SLC26A11: variants seen among roughly 807,000 people sequenced by gnomAD.
SLC26A11 encodes the protein solute carrier family 26 member 11, also known as sodium-independent sulfate anion transporter.
A neutral mutation model predicts 62.2 loss-of-function variants in SLC26A11; 58 were observed. The observed-to-expected ratio is 0.93, with a 90% CI of 0.76 to 1.16. The LOEUF (loss-of-function observed/expected upper bound fraction) is 1.16. Ranked by LOEUF, SLC26A11 falls within the 50% of genes most tolerant of loss-of-function variation. The pLI, the probability that SLC26A11 is intolerant of heterozygous loss-of-function variation, is 0.00. For missense variants in SLC26A11, 790 were observed against 794.3 expected, an observed-to-expected ratio of 0.99 and a Z score of 0.06; for synonymous variants, 411 against 368.9, an observed-to-expected ratio of 1.11 and a Z score of -1.31.
At chr17:80,236,860 G>A in intron 7 of SLC26A11, 68 bp from the exon 8 acceptor site, 1 of 1,528,562 alleles carries the variant, frequency 6.5e-7, no homozygotes, top group African/African-American at 1.4e-5. Context: ...CCAGTAACCT[G>A]GAGGCAGCCG....
intron 7 of SLC26A11, among the ~76,000 whole-genome samples, chr17:80,235,093 A>G (rs1168774810): frequency 3.9e-5 from 6 of 152,154 alleles, no homozygotes; most frequent in African/African-American, 1.4e-4. Flanking sequence ...CAGGTGATTC[A>G]GCTGCCTCGG....
chr17:80,233,407 G>C (rs1341046726), intron 7 of SLC26A11, among the ~76,000 whole-genome samples: 1 of 152,174 alleles, frequency 6.6e-6, no homozygotes, highest in Admixed American at 6.5e-5. Flanking sequence ...TGAGATTGCA[G>C]ATGTGAGCCA....
intron 1 of SLC26A11, 75 bp downstream of exon 1, chr17:80,220,571 G>A (rs2042121945): frequency 1.8e-5 from 7 of 396,016 alleles, no homozygotes. Flanking sequence ...GGGTCGCCGG[G>A]GGCAGCCGAC....
intron 16 of SLC26A11, among the ~76,000 whole-genome samples, chr17:80,250,285 T>G (rs750128738): frequency 1.5e-4 from 23 of 152,210 alleles, no homozygotes; most frequent in Non-Finnish European, 2.8e-4. Context: ...ACCCCAGGTG[T>G]GGACCACAGC....
At position 80,227,810 on chromosome 17, in the gene SLC26A11, G is replaced by T; in HGVS notation, c.594-8G>T. ...CTGGGTGGTGACCAGTCCTCTGCCT[G>T]TCCACAGGGTAGGTGACGCCGTCCT... On this transcript the variant is annotated splice_polypyrimidine_tract_variant and splice_region_variant and intron_variant, in intron 6 of 17. Coordinates refer to ENST00000361193, the MANE Select transcript of SLC26A11 (RefSeq NM_001166347.2). The T allele has an allele frequency of 6.2e-7, 1 of 1,603,758 alleles. No homozygotes were observed. The highest frequency in any genetic ancestry group is 2.2e-5 in the East Asian group (1 of 44,876).
At position 80,220,446 on chromosome 17, in the gene SLC26A11, C is replaced by T; in HGVS notation, c.-264C>T. ...CCCGGCCTGTCCCCGGCGATTCCTG[C>T]GGACCCAGCTGCGGCGACGCCAGGA... On this transcript the variant is annotated 5_prime_UTR_variant, in exon 1 of 18. Transcript: ENST00000361193. 4 of 866,408 alleles carry T rather than the reference C, an allele frequency of 4.6e-6. No individual in the cohort carries two copies. Among genetic ancestry groups the T allele is most frequent in the Non-Finnish European group, 4.8e-6 (3 of 624,244 alleles). The allele number at this position is 866,408 out of a possible 1,614,324, so 53.7% of individuals were successfully genotyped here.
At chr17:80,247,257 C>T (rs1006640908) in intron 13 of SLC26A11, among the ~76,000 whole-genome samples, 1 of 151,984 alleles carries the variant, frequency 6.6e-6, no homozygotes, top group Non-Finnish European at 1.5e-5. Context: ...TACACAGACA[C>T]GGCAACCATC....
Position 80,230,023 on chromosome 17 carries a change from C to T in SLC26A11, c.736+2063C>T, listed in dbSNP as rs545904943. Among the ~76,000 whole-genome samples the T allele has an allele frequency of 5.9e-4, 90 of 151,968 alleles. 2 individuals are homozygous for T. Among genetic ancestry groups the T allele is most frequent in the African/African-American group, 2.0e-3 (84 of 41,456 alleles). ...GTTTGAAACCAGCTTGGCCAAACCC[C>T]GTCTCTACTAAAAATACAAAAATTA... On this transcript the variant is annotated intron_variant, in intron 7 of 17. Coordinates refer to ENST00000361193, the MANE Select transcript of SLC26A11 (RefSeq NM_001166347.2).
intron 7 of SLC26A11, among the ~76,000 whole-genome samples, chr17:80,229,798 T>C (rs1164510838): frequency 6.6e-6 from 1 of 152,122 alleles, no homozygotes; most frequent in African/African-American, 2.4e-5. Context: ...GCACTGGGCA[T>C]CTCCTGGGAG....
intron 16 of SLC26A11, among the ~76,000 whole-genome samples, chr17:80,249,490 C>T (rs1295481694): frequency 2.6e-5 from 4 of 152,252 alleles, no homozygotes; most frequent in African/African-American, 7.2e-5. Context: ...CGGTGGCCCC[C>T]AGCCCTCCGA....
intron 10 of SLC26A11, among the ~76,000 whole-genome samples, chr17:80,242,117 A>T (rs1461912514): frequency 6.6e-6 from 1 of 152,080 alleles, no homozygotes; most frequent in Non-Finnish European, 1.5e-5. Context: ...GCTGGGATTA[A>T]AGGCATATGC....
At position 80,237,049 on chromosome 17, in the gene SLC26A11, G is replaced by A. The variant is rs1451542202; in HGVS notation, c.858G>A (p.Pro286=). 3 of 1,613,930 alleles carry A rather than the reference G, an allele frequency of 1.9e-6. No individual in the cohort carries two copies. The highest frequency in any genetic ancestry group is 2.5e-6 in the Non-Finnish European group (3 of 1,179,948). The stretch of plus-strand genomic sequence containing the variant: ...AGGGGCTCCCTCCAGTCCGGATCCC[G>A]CCCTTCTCAGTGACCACAGCCAACG... ...TAEGLPPVRI[P]PFSVTTANGT... is the part of the protein sequence containing the mutation. The change falls in exon 8 of 18, where the codon CCG becomes CCA. Residue 286 remains proline (P), a synonymous_variant. Coordinates refer to ENST00000361193, the MANE Select transcript of SLC26A11 (RefSeq NM_001166347.2).
chr17:80,224,048 T>A (rs1468025055), intron 5 of SLC26A11, among the ~76,000 whole-genome samples: 1 of 151,940 alleles, frequency 6.6e-6, no homozygotes, highest in Non-Finnish European at 1.5e-5. Context: ...CAGACTAGGG[T>A]CACATGCTGC....
rs111754200 is a variant in SLC26A11 at position 80,229,165 on chromosome 17, G to A, written c.736+1205G>A. Among the ~76,000 whole-genome samples the A allele has an allele frequency of 4.1e-3, 622 of 152,196 alleles. 6 individuals are homozygous for A. The highest frequency in any genetic ancestry group is 0.014 in the African/African-American group (598 of 41,528). ...CAGCCACAGAAGAGAGAGGGTGGCT[G>A]GATTTAGCTCTTGAGTCACTTCTGC... On this transcript the variant is annotated intron_variant, in intron 7 of 17. Coordinates refer to ENST00000361193, the MANE Select transcript of SLC26A11 (RefSeq NM_001166347.2).
At chr17:80,227,781 C>T (rs750436165) in intron 6 of SLC26A11, 37 bp from the exon 7 acceptor site, 18 of 1,595,482 alleles carry the variant, frequency 1.1e-5, no homozygotes, top group Admixed American at 5.0e-5. Context: ...AGGCCTGGGC[C>T]GAGCTGGGTG....
In SLC26A11 at chr17:80,228,038, A is replaced by G; in HGVS notation, c.736+78A>G. On this transcript the variant is annotated intron_variant, in intron 7 of 17. Transcript: ENST00000361193. The surrounding 1 kb of genome is among the most constrained non-coding windows in gnomAD (Gnocchi z 4.1). ...ACTTGGGGAGTCCTAGTCCCACCCT[A>G]GGGATTCTCACGTCATTGGTCTGGG... 1 of 1,359,768 alleles carries G rather than the reference A, an allele frequency of 7.4e-7. No homozygotes were observed. Among genetic ancestry groups the G allele is most frequent in the Non-Finnish European group, 1.0e-6 (1 of 990,932 alleles). The allele number at this position is 1,359,768 out of a possible 1,614,324, so 84.2% of individuals were successfully genotyped here. A position where few individuals can be genotyped will look rare whatever the true frequency, so the allele number is the denominator to read the frequency against.
At chr17:80,221,330 T>G in intron 2 of SLC26A11, 1 of 492,092 alleles carries the variant, frequency 2.0e-6, no homozygotes, top group Non-Finnish European at 3.6e-6. Context: ...ACGGGGGGGA[T>G]TCAGGGAGAG....
intron 6 of SLC26A11, 46 bp downstream of exon 6, chr17:80,225,962 C>A (rs764243160): frequency 1.3e-6 from 2 of 1,541,942 alleles, no homozygotes; most frequent in Admixed American, 3.3e-5. Flanking sequence ...GCTCCTTCTT[C>A]CACACCTCCT....
chr17:80,227,678 TG>T, intron 6 of SLC26A11, 139 bp from the exon 7 acceptor site: 1 of 1,130,860 alleles, frequency 8.8e-7, no homozygotes, highest in Non-Finnish European at 1.2e-6. Flanking sequence ...ATACTCACTG[TG>T]GTCTGGGACC....
Sources: allele counts gnomAD v4.1 joint callset (sites outside exome capture counted in the v4.1 genomes callset), GRCh38; gene constraint gnomAD v4.1.1; non-coding constraint Gnocchi (gnomAD v3.1); transcripts MANE v1.5; gene names NCBI Gene and HGNC (gene_info 2026-07-23, HGNC 2026-07-21).